MCPH1: variants seen among roughly 807,000 people sequenced by gnomAD.
MCPH1 encodes microcephalin 1.
MCPH1 carries 104 observed loss-of-function variants against 84.5 expected under a neutral mutation model. That is an observed-to-expected ratio of 1.23 (90% CI 1.05 to 1.45). MCPH1 has a LOEUF of 1.45. MCPH1 is among the 40% of genes most tolerant of loss of function. MCPH1 has a pLI of 0.00. For missense variants in MCPH1, 1,498 were observed against 1,005.7 expected (o/e 1.49, Z -6.62); for synonymous variants, 514 against 366.8 (o/e 1.40, Z -4.58).
intron 12 of MCPH1, among the ~76,000 whole-genome samples, chr8:6,620,610 C>T (rs995054047): frequency 2.0e-5 from 3 of 152,160 alleles, no homozygotes; most frequent in Non-Finnish European, 2.9e-5. Context: ...CCATTAATTT[C>T]AGATATTGTA....
At chr8:6,545,996 A>T (rs1467986187) in intron 12 of MCPH1, among the ~76,000 whole-genome samples, 1 of 152,260 alleles carries the variant, frequency 6.6e-6, no homozygotes, top group Admixed American at 6.5e-5. Context: ...AGCCATTGTC[A>T]TTACAGATTC....
chr8:6,456,530 C>T (rs1269494099), intron 9 of MCPH1, among the ~76,000 whole-genome samples: 2 of 152,166 alleles, frequency 1.3e-5, no homozygotes, highest in African/African-American at 2.4e-5. Flanking sequence ...GCTGATGCGT[C>T]GCATGGCACC....
At chr8:6,536,990 A>C (rs80142254) in intron 12 of MCPH1, among the ~76,000 whole-genome samples, 4 of 150,504 alleles carry the variant, frequency 2.7e-5, no homozygotes, top group Non-Finnish European at 4.4e-5. Flanking sequence ...AAAAAAAAAA[A>C]CCAACCCAGT....
intron 12 of MCPH1, among the ~76,000 whole-genome samples, chr8:6,509,740 A>C (rs781275165): frequency 3.2e-4 from 49 of 152,214 alleles, no homozygotes; most frequent in Non-Finnish European, 6.5e-4. Flanking sequence ...TTGAAAATGC[A>C]TGGAATACAC....
At chr8:6,626,820 A>G (rs1037934148) in intron 13 of MCPH1, 28 of 983,828 alleles carry the variant, frequency 2.8e-5, no homozygotes, top group Admixed American at 1.2e-4. Flanking sequence ...AGCTCTGTGC[A>G]CTCTTCCCTC....
chr8:6,449,315 A>C (rs969474395), intron 8 of MCPH1, among the ~76,000 whole-genome samples: 7 of 152,140 alleles, frequency 4.6e-5, no homozygotes, highest in African/African-American at 1.7e-4. Flanking sequence ...AAGCTCCTCA[A>C]TTGTGCAGTT....
chr8:6,531,030 G>C (rs557222145), intron 12 of MCPH1, among the ~76,000 whole-genome samples: 2 of 152,136 alleles, frequency 1.3e-5, no homozygotes, highest in South Asian at 2.1e-4. Flanking sequence ...ATAGCCCAGA[G>C]TAGGAAGCCA....
chr8:6,622,159 T>C, intron 13 of MCPH1: 1 of 223,112 alleles, frequency 4.5e-6, no homozygotes, highest in Non-Finnish European at 9.0e-6. Context: ...GCTCAAAGGG[T>C]GTTAAAAGAC....
chr8:6,523,019 A>G lies in MCPH1; in HGVS notation c.2214+23090A>G, dbSNP rs530936773. The stretch of plus-strand genomic sequence containing the variant: ...AAGTTTTTTTTTTTCTTTTTTTGAG[A>G]TGGAGTCTCGCTCTGTCACCCAGAC... On this transcript the variant is annotated intron_variant, in intron 12 of 13. Transcript: ENST00000344683. Among the ~76,000 whole-genome samples, 4 of 150,836 alleles carry G rather than the reference A, an allele frequency of 2.7e-5. No individual in the cohort carries two copies. In the East Asian group the frequency reaches 5.9e-4, roughly 22 times the overall value.
intron 12 of MCPH1, among the ~76,000 whole-genome samples, chr8:6,571,042 TTATA>T (rs1826618547): frequency 6.6e-6 from 1 of 152,136 alleles, no homozygotes; most frequent in Non-Finnish European, 1.5e-5. Context: ...TAGAAATAGT[TTATA>T]TAACTGTTAT....
intron 3 of MCPH1, among the ~76,000 whole-genome samples, chr8:6,426,227 C>A (rs565493897): frequency 2.6e-5 from 4 of 152,174 alleles, no homozygotes; most frequent in African/African-American, 9.6e-5. Context: ...ATAAAATGGA[C>A]CCATTTTAAG....
At chr8:6,469,072 C>T (rs1199776946) in intron 9 of MCPH1, among the ~76,000 whole-genome samples, 8 of 152,100 alleles carry the variant, frequency 5.3e-5, no homozygotes, top group Non-Finnish European at 1.0e-4. Flanking sequence ...TGGTGGCCAC[C>T]TGTGGTCCAA....
chr8:6,506,650 A>G (rs1263297373), intron 12 of MCPH1, among the ~76,000 whole-genome samples: 1 of 152,092 alleles, frequency 6.6e-6, no homozygotes. Flanking sequence ...TTGTGCCAGG[A>G]TGAAGGAAAC....
chr8:6,623,181 T>G lies in MCPH1; in HGVS notation c.2452+1490T>G, dbSNP rs562905646. Among the ~76,000 whole-genome samples the G allele has an allele frequency of 2.6e-4, 40 of 152,146 alleles. No individual in the cohort carries two copies. The South Asian group carries it at 6.4e-3, about 24-fold the overall frequency. On this transcript the variant is annotated intron_variant, in intron 13 of 13. Coordinates refer to ENST00000344683, the MANE Select transcript of MCPH1 (RefSeq NM_024596.5). ...GTGGCATCATTTTAACTTGTCTTTTTCAAGGCCCCATCTCCAAATACAGTC... is the reference window on the plus strand; with the variant it reads ...GTGGCATCATTTTAACTTGTCTTTTGCAAGGCCCCATCTCCAAATACAGTC...
At chr8:6,435,007 G>A (rs1451902618) in intron 4 of MCPH1, among the ~76,000 whole-genome samples, 1 of 152,150 alleles carries the variant, frequency 6.6e-6, no homozygotes, top group Admixed American at 6.5e-5. Context: ...CGTGAGGTGT[G>A]TTTCAAAGGA....
At chr8:6,621,774 C>G in intron 13 of MCPH1, 83 bp downstream of exon 13, 1 of 1,581,120 alleles carries the variant, frequency 6.3e-7, no homozygotes, top group South Asian at 1.1e-5. Context: ...AGGCTCACAC[C>G]CCCTTCCACG....
intron 12 of MCPH1, among the ~76,000 whole-genome samples, chr8:6,531,087 C>T (rs569041305): frequency 4.6e-5 from 7 of 152,274 alleles, no homozygotes; most frequent in Non-Finnish European, 7.4e-5. Context: ...AGTCAGAAAG[C>T]GGGCTTGGCC....
intron 12 of MCPH1, among the ~76,000 whole-genome samples, chr8:6,586,904 C>T (rs545810762): frequency 2.6e-5 from 4 of 152,296 alleles, no homozygotes; most frequent in African/African-American, 9.6e-5. Context: ...TTAGAATTCC[C>T]TGTGCTGCTT....
intron 7 of MCPH1, among the ~76,000 whole-genome samples, chr8:6,443,402 C>A (rs1183105591): frequency 6.8e-6 from 1 of 147,770 alleles, no homozygotes; most frequent in Non-Finnish European, 1.5e-5. Flanking sequence ...ACACCTGGGG[C>A]ACAGTTGGAA....
Sources: gnomAD v4.1 joint callset for allele counts (sites outside exome capture counted in the v4.1 genomes callset) on GRCh38, gnomAD v4.1.1 for gene constraint, MANE v1.5 for transcripts, NCBI Gene and HGNC (gene_info 2026-07-23, HGNC 2026-07-21) for gene names.